VHL: variants seen among roughly 807,000 people sequenced by gnomAD.
VHL encodes the protein von Hippel-Lindau tumor suppressor, also known as von Hippel-Lindau disease tumor suppressor.
In VHL, 10 loss-of-function variants were observed where a neutral mutation model predicts 19.2. The ratio of observed to expected loss-of-function variants is 0.52; its 90% CI spans 0.32 to 0.89. The LOEUF (loss-of-function observed/expected upper bound fraction) is 0.89, where lower values mean the gene tolerates loss of function less well. Ranked by LOEUF, VHL falls within the 40% of genes least tolerant of loss-of-function variation. VHL has a pLI of 0.03. For missense variants in VHL, 328 were observed against 292.7 expected (o/e 1.12, Z -0.88); for synonymous variants, 167 against 129.5 (o/e 1.29, Z -1.97).
chr3:10,149,764 G>T (rs374577617), intron 2 of VHL, 23 bp from the exon 3 acceptor site: 3 of 1,609,014 alleles, frequency 1.9e-6, no homozygotes, highest in Non-Finnish European at 2.6e-6. Flanking sequence ...CTGCCACTGA[G>T]GATTTGGTTT....
chr3:10,149,545 T>C (rs1203975239), intron 2 of VHL, among the ~76,000 whole-genome samples: 1 of 152,156 alleles, frequency 6.6e-6, no homozygotes, highest in Non-Finnish European at 1.5e-5. Flanking sequence ...CACATTCAGT[T>C]AGTTAAAGCA....
intron 2 of VHL, among the ~76,000 whole-genome samples, chr3:10,148,407 C>T (rs547946216): frequency 2.6e-4 from 38 of 147,584 alleles, no homozygotes; most frequent in African/African-American, 7.1e-4. Context: ...CTCCGCCTCC[C>T]GGGTTCACGC....
intron 2 of VHL, among the ~76,000 whole-genome samples, chr3:10,148,953 G>A (rs975221805): frequency 9.9e-5 from 15 of 151,894 alleles, no homozygotes; most frequent in African/African-American, 1.7e-4. Flanking sequence ...GATTACAGGC[G>A]TGAGCCACTG....
At chr3:10,148,168 A>G (rs1015766987) in intron 2 of VHL, among the ~76,000 whole-genome samples, 1 of 152,054 alleles carries the variant, frequency 6.6e-6, no homozygotes, top group African/African-American at 2.4e-5. Context: ...CTATGTGTGT[A>G]TAGATCCTGT....
rs893572737 is a variant in VHL at position 10,141,832 on chromosome 3, C to G, written c.-16C>G. On this transcript the variant is annotated 5_prime_UTR_variant, in exon 1 of 3. Coordinates refer to ENST00000256474, the MANE Select transcript of VHL (RefSeq NM_000551.4). ...TCCCGCGGCGTCCGGCCCGGGTGGT[C>G]TGGATCGCGGAGGGAATGCCCCGGA... 3.3e-6 allele frequency: 5 copies of G among 1,536,728 alleles called. No homozygotes were observed. The highest frequency in any genetic ancestry group is 2.1e-5 in the Admixed American group (1 of 48,712).
At position 10,149,094 on chromosome 3, in the gene VHL, C is replaced by T. The variant is rs75494358; in HGVS notation, c.464-693C>T. Among the ~76,000 whole-genome samples the T allele has an allele frequency of 2.8e-5, 4 of 144,578 alleles. No homozygotes were observed. In the East Asian group the frequency reaches 6.1e-4, roughly 22 times the overall value. The allele number at this position is 144,578 out of a possible 152,430, so 94.8% of individuals were successfully genotyped here. ...GCAGCTGGGGGCTGGGCCTGTCCCTCTTTTTTTTTTTTCTCTTTTCTTTTT... is the reference window on the plus strand; with the variant it reads ...GCAGCTGGGGGCTGGGCCTGTCCCTTTTTTTTTTTTTTCTCTTTTCTTTTT... On this transcript the variant is annotated intron_variant, in intron 2 of 2. Coordinates refer to ENST00000256474, the MANE Select transcript of VHL (RefSeq NM_000551.4).
chr3:10,153,448 C>CAAA lies in VHL; in HGVS notation c.*3491_*3493dup, dbSNP rs112494627. Among the ~76,000 whole-genome samples, 3 of 143,226 alleles carry CAAA rather than the reference C, an allele frequency of 2.1e-5. No individual in the cohort carries two copies. The highest frequency in any genetic ancestry group is 8.0e-5 in the African/African-American group (3 of 37,596). 94.0% of individuals were successfully genotyped at this position (143,226 alleles called of 152,430 possible). On this transcript the variant is annotated 3_prime_UTR_variant, in exon 3 of 3. Coordinates refer to ENST00000256474, the MANE Select transcript of VHL (RefSeq NM_000551.4). ...CCATCTCAAAAAGAAACCAAAAAAACAAAAAAAAAACATGCCGTTTGAGTA... is the reference window on the plus strand; with the variant it reads ...CCATCTCAAAAAGAAACCAAAAAAACAAAAAAAAAAAAACATGCCGTTTGAGTA...
rs1575921446 is a variant in VHL at position 10,141,977 on chromosome 3, G to C, written c.130G>C (p.Gly44Arg). The C allele has an allele frequency of 1.9e-6, 3 of 1,562,624 alleles. No homozygotes were observed. The highest frequency in any genetic ancestry group is 1.9e-5 in the Admixed American group (1 of 52,184). ...CGAGGAGTCCGGCCCGGAAGAGTCC[G>C]GCCCGGAGGAACTGGGCGCCGAGGA... Reference protein sequence around the residue: ...GAEESGPEESGPEELGAEEEM... With the variant: ...GAEESGPEESRPEELGAEEEM... Residue 44 changes from glycine (G) to arginine (R), a missense_variant, in exon 1 of 3, where the codon GGC becomes CGC. By Grantham distance (125) the Gly-to-Arg change is moderately radical (BLOSUM62 -2). Transcript: ENST00000256474.
chr3:10,146,920 C>G (rs1696274459), intron 2 of VHL, among the ~76,000 whole-genome samples: 1 of 152,148 alleles, frequency 6.6e-6, no homozygotes, highest in Non-Finnish European at 1.5e-5. Flanking sequence ...ATTACGAATG[C>G]CTTTTGTTTC....
intron 2 of VHL, 51 bp from the exon 3 acceptor site, chr3:10,149,736 T>G: frequency 6.5e-7 from 1 of 1,527,924 alleles, no homozygotes; most frequent in Non-Finnish European, 9.0e-7. Context: ...TGTTCGTTCC[T>G]TGTACTGAGA....
chr3:10,146,425 C>T (rs1037949648), intron 1 of VHL, 89 bp from the exon 2 acceptor site: 13 of 1,564,992 alleles, frequency 8.3e-6, no homozygotes, highest in Non-Finnish European at 9.6e-6. Context: ...CCGCCTGCCT[C>T]GGCCTCCCAA....
At chr3:10,142,287 C>T (rs993974159) in intron 1 of VHL, 100 bp downstream of exon 1, 5 of 1,365,292 alleles carry the variant, frequency 3.7e-6, no homozygotes, top group Admixed American at 2.0e-5. Context: ...GGAACTGAGG[C>T]CCCTTGAGGC....
chr3:10,147,300 G>T (rs1434974890), intron 2 of VHL, among the ~76,000 whole-genome samples: 1 of 151,412 alleles, frequency 6.6e-6, no homozygotes, highest in African/African-American at 2.4e-5. Context: ...ATCAGCCACA[G>T]CACCTGGCCT....
chr3:10,149,107 CTCTTT>C (rs1696337416), intron 2 of VHL, among the ~76,000 whole-genome samples: 1 of 129,094 alleles, frequency 7.7e-6, no homozygotes, highest in African/African-American at 2.8e-5. Context: ...TTTTTTTTTT[CTCTTT>C]TCTTTTTTCT....
In VHL at chr3:10,141,779, C is replaced by A; in HGVS notation, c.-69C>A. The A allele has an allele frequency of 1.3e-6, 2 of 1,513,614 alleles. No homozygotes were observed. The highest frequency in any genetic ancestry group is 2.0e-5 in the Admixed American group (1 of 49,296). 93.8% of individuals were successfully genotyped at this position (1,513,614 alleles called of 1,614,324 possible). On this transcript the variant is annotated 5_prime_UTR_variant, in exon 1 of 3. Transcript: ENST00000256474. ...GGAGGTCGACTCGGGAGCGCGCACG[C>A]AGCTCCGCCCCGCGTCCGACCCGCG...
intron 2 of VHL, among the ~76,000 whole-genome samples, chr3:10,149,508 G>C (rs968983257): frequency 2.0e-5 from 3 of 152,130 alleles, no homozygotes; most frequent in Non-Finnish European, 4.4e-5. Flanking sequence ...TAAGGCTTCG[G>C]CCTAGAATTG....
rs1299812014 is a variant in VHL, at chr3:10,153,494, A to G, written c.*3529A>G. Among the ~76,000 whole-genome samples the G allele has an allele frequency of 2.6e-5, 4 of 152,132 alleles. No individual in the cohort carries two copies. The highest frequency in any genetic ancestry group is 6.6e-5 in the Admixed American group (1 of 15,264). On this transcript the variant is annotated 3_prime_UTR_variant, in exon 3 of 3. Transcript: ENST00000256474. ...GAGTACTGTGTTTTTGGTGTTGTCC[A>G]AGGAAAATTAAAAACCTGTAGCATG...
intron 1 of VHL, chr3:10,143,113 T>A (rs573282957): frequency 1.4e-5 from 2 of 146,450 alleles, no homozygotes; most frequent in African/African-American, 5.3e-5. Flanking sequence ...ATGGGGGCAC[T>A]GAAATTTTTT....
In VHL at chr3:10,141,821, G is replaced by T. The variant is rs771880989; in HGVS notation, c.-27G>T. 11 of 1,536,680 alleles carry T rather than the reference G, an allele frequency of 7.2e-6. No individual in the cohort carries two copies. Among genetic ancestry groups the T allele is most frequent in the Admixed American group, 2.0e-5 (1 of 49,016 alleles). ...CGACCCGCGGATCCCGCGGCGTCCG[G>T]CCCGGGTGGTCTGGATCGCGGAGGG... On this transcript the variant is annotated 5_prime_UTR_variant, in exon 1 of 3. Coordinates refer to ENST00000256474, the MANE Select transcript of VHL (RefSeq NM_000551.4).
Sources: allele counts gnomAD v4.1 joint callset (sites outside exome capture counted in the v4.1 genomes callset), GRCh38; gene constraint gnomAD v4.1.1; transcripts MANE v1.5; gene names NCBI Gene and HGNC (gene_info 2026-07-23, HGNC 2026-07-21).